The following MRPL22 variants were observed in gnomAD, a reference collection of about 807,000 sequenced individuals.
MRPL22 encodes mitochondrial ribosomal protein L22.
Under a neutral mutation model 32.4 loss-of-function variants are expected in MRPL22, and 27 were observed. The ratio of observed to expected loss-of-function variants is 0.83; its 90% CI spans 0.61 to 1.15. MRPL22 has a LOEUF of 1.15. MRPL22 is among the 50% of genes most tolerant of loss of function. MRPL22 has a pLI of 0.00. For missense variants in MRPL22, 239 were observed against 260.2 expected, an observed-to-expected ratio of 0.92 and a Z score of 0.56; for synonymous variants, 86 against 87.3, an observed-to-expected ratio of 0.99 and a Z score of 0.08.
intron 2 of MRPL22, among the ~76,000 whole-genome samples, chr5:154,946,897 G>A (rs1764499231): frequency 6.6e-6 from 1 of 152,152 alleles, no homozygotes; most frequent in African/African-American, 2.4e-5. Context: ...GCCTCAAACA[G>A]TCCTCCTATC....
At chr5:154,947,650 G>C (rs1256101728) in intron 2 of MRPL22, among the ~76,000 whole-genome samples, 2 of 152,154 alleles carry the variant, frequency 1.3e-5, no homozygotes, top group Non-Finnish European at 1.5e-5. Context: ...CAGTATCCAC[G>C]TACCAGACAT....
At chr5:154,960,470 G>T (rs112731907) in intron 6 of MRPL22, among the ~76,000 whole-genome samples, 7 of 152,110 alleles carry the variant, frequency 4.6e-5, no homozygotes, top group African/African-American at 1.7e-4. Flanking sequence ...ATCCATAAAG[G>T]TGTCCTGTAA....
intron 6 of MRPL22, among the ~76,000 whole-genome samples, chr5:154,962,134 A>G (rs1229098810): frequency 6.6e-6 from 1 of 152,226 alleles, no homozygotes; most frequent in Admixed American, 6.5e-5. Context: ...TCATTCACTA[A>G]GTATTTTGAT....
Position 154,957,230 on chromosome 5 carries a change from G to A in MRPL22, c.339+18G>A, listed in dbSNP as rs348747. The A allele has an allele frequency of 5.6e-5, 90 of 1,593,904 alleles. No individual in the cohort carries two copies. In the African/African-American group the frequency reaches 9.0e-4, roughly 16 times the overall value. On this transcript the variant is annotated intron_variant, in intron 5 of 6. Coordinates refer to ENST00000523037, the MANE Select transcript of MRPL22 (RefSeq NM_014180.4). ...TTAAAGAGGTAAACTTACAAGTTTG[G>A]GTGTGGTAGGGAATGGGGAACTGGG...
chr5:154,954,625 G>A (rs1011395840), intron 3 of MRPL22, among the ~76,000 whole-genome samples: 4 of 151,986 alleles, frequency 2.6e-5, no homozygotes, highest in Non-Finnish European at 5.9e-5. Flanking sequence ...TTCAGTTTTG[G>A]AAGAGGATGA....
At chr5:154,946,031 T>C (rs1764485878) in intron 2 of MRPL22, among the ~76,000 whole-genome samples, 1 of 152,228 alleles carries the variant, frequency 6.6e-6, no homozygotes, top group African/African-American at 2.4e-5. Flanking sequence ...GAAAGTATTA[T>C]AAGAATTCAG....
intron 5 of MRPL22, 80 bp downstream of exon 5, chr5:154,957,292 C>A: frequency 8.4e-7 from 1 of 1,194,966 alleles, no homozygotes; most frequent in South Asian, 1.3e-5. Context: ...TAAGCTTAGC[C>A]TAAATCATGA....
rs147616484 is a variant in MRPL22 at position 154,968,770 on chromosome 5, G to GTA, written c.*1874_*1875insAT. Reference sequence around the variant, plus strand: ...GACATCATAAATATAAATTATGTAAGTGAAGGCACTGCTTCAGTCAGGCTG... The same window carrying GTA: ...GACATCATAAATATAAATTATGTAAGTATGAAGGCACTGCTTCAGTCAGGCTG... On this transcript the variant is annotated 3_prime_UTR_variant, in exon 7 of 7. Transcript: ENST00000523037. 675 of 152,312 alleles carry GTA rather than the reference G, an allele frequency of 4.4e-3. 6 individuals carry two copies. Among genetic ancestry groups the GTA allele is most frequent in the African/African-American group, 0.015 (642 of 41,564 alleles). 9.4% of individuals were successfully genotyped at this position (152,312 alleles called of 1,614,324 possible). A position where few individuals can be genotyped will look rare whatever the true frequency, so the allele number is the denominator to read the frequency against.
At chr5:154,961,006 G>A (rs1764696281) in intron 6 of MRPL22, among the ~76,000 whole-genome samples, 1 of 151,968 alleles carries the variant, frequency 6.6e-6, no homozygotes, top group Non-Finnish European at 1.5e-5. Flanking sequence ...AATACAGGGG[G>A]AATTAGTTGT....
Position 154,941,342 on chromosome 5 carries a change from C to G in MRPL22, c.77+77C>G, listed in dbSNP as rs1304485749. On this transcript the variant is annotated intron_variant, in intron 2 of 6. Coordinates refer to ENST00000523037, the MANE Select transcript of MRPL22 (RefSeq NM_014180.4). Reference sequence around the variant, plus strand: ...CTGCCAGTTGGTAACTGAGCGCCTCCGTGCCTAACTGTGTTTTAGGCTCTG... The same window carrying G: ...CTGCCAGTTGGTAACTGAGCGCCTCGGTGCCTAACTGTGTTTTAGGCTCTG... The G allele has an allele frequency of 5.1e-6, 8 of 1,576,432 alleles. No individual in the cohort carries two copies. In the African/African-American group the frequency reaches 1.1e-4, roughly 21 times the overall value.
intron 3 of MRPL22, among the ~76,000 whole-genome samples, chr5:154,954,096 C>T (rs1031634991): frequency 6.6e-5 from 10 of 150,444 alleles, no homozygotes; most frequent in Middle Eastern, 7.0e-3. Context: ...CTTAAGAGAT[C>T]TTCCCACCTC....
At chr5:154,955,356 T>G (rs989483897) in intron 3 of MRPL22, 2 of 152,236 alleles carry the variant, frequency 1.3e-5, no homozygotes, top group African/African-American at 2.4e-5. Flanking sequence ...TAGAAAGTTT[T>G]GAGACCTCCT....
intron 6 of MRPL22, 115 bp downstream of exon 6, chr5:154,960,164 A>G (rs1764683863): frequency 1.4e-6 from 1 of 701,134 alleles, no homozygotes. Flanking sequence ...GTCAGTGAAA[A>G]TTGCTAGTAA....
intron 2 of MRPL22, among the ~76,000 whole-genome samples, chr5:154,942,148 G>A (rs1444624144): frequency 1.3e-5 from 2 of 152,080 alleles, no homozygotes; most frequent in Non-Finnish European, 2.9e-5. Flanking sequence ...GTGTTGCTAT[G>A]TTGCCCATGC....
intron 3 of MRPL22, among the ~76,000 whole-genome samples, chr5:154,952,782 G>A (rs897244360): frequency 2.0e-5 from 3 of 152,094 alleles, no homozygotes; most frequent in African/African-American, 7.2e-5. Context: ...GCCAGCTGCA[G>A]CCATTATTAA....
At position 154,941,278 on chromosome 5, in the gene MRPL22, C is replaced by A. The variant is rs765919292; in HGVS notation, c.77+13C>A. ...AGCTGGCCTTGGGGTGAGTCTCTCG[C>A]TTCGGAGTTTCGGAAGGGCCCAAGG... is the stretch of plus-strand genomic sequence containing the variant. On this transcript the variant is annotated intron_variant, in intron 2 of 6. Coordinates refer to ENST00000523037, the MANE Select transcript of MRPL22 (RefSeq NM_014180.4). 11 of 1,612,668 alleles carry A rather than the reference C, an allele frequency of 6.8e-6. No individual in the cohort carries two copies. In the South Asian group the frequency reaches 1.2e-4, roughly 18 times the overall value.
chr5:154,964,182 TG>T (rs1764738709), intron 6 of MRPL22, among the ~76,000 whole-genome samples: 1 of 152,146 alleles, frequency 6.6e-6, no homozygotes, highest in South Asian at 2.1e-4. Context: ...TTGTGCTCTG[TG>T]GGGTGTTTAG....
At chr5:154,965,251 A>G (rs1262876325) in intron 6 of MRPL22, among the ~76,000 whole-genome samples, 1 of 152,182 alleles carries the variant, frequency 6.6e-6, no homozygotes, top group South Asian at 2.1e-4. Flanking sequence ...TAAGTGTATA[A>G]GAATGATGAG....
chr5:154,946,842 G>A (rs1440249665), intron 2 of MRPL22, among the ~76,000 whole-genome samples: 2 of 152,098 alleles, frequency 1.3e-5, no homozygotes, highest in Non-Finnish European at 2.9e-5. Flanking sequence ...AAACAAAACA[G>A]AGGCAAGGCC....
Sources: allele counts gnomAD v4.1 joint callset (sites outside exome capture counted in the v4.1 genomes callset), GRCh38; gene constraint gnomAD v4.1.1; transcripts MANE v1.5; gene names NCBI Gene and HGNC (gene_info 2026-07-23, HGNC 2026-07-21).